SEC24B: variants seen among roughly 807,000 people sequenced by gnomAD.
The protein encoded by SEC24B is SEC24 homolog B, COPII component.
Under a neutral mutation model 142.8 loss-of-function variants are expected in SEC24B, and 45 were observed. The observed-to-expected ratio is 0.32, with a 90% confidence interval of 0.25 to 0.40. The LOEUF is 0.40. Ranked by LOEUF, SEC24B falls within the 10% of genes least tolerant of loss-of-function variation. The probability of loss-of-function intolerance (pLI) is 1.00; values close to 1 mark genes in which losing one functional copy is unlikely to be tolerated. For missense variants in SEC24B, 1,409 were observed against 1,526.8 expected, an observed-to-expected ratio of 0.92 and a Z score of 1.29; for synonymous variants, 574 against 568.2, an observed-to-expected ratio of 1.01 and a Z score of -0.15.
intron 1 of SEC24B, among the ~76,000 whole-genome samples, chr4:109,436,101 TATGGTAAAGTG>T (rs1728386371): frequency 6.6e-6 from 1 of 152,120 alleles, no homozygotes; most frequent in African/African-American, 2.4e-5. Context: ...ATTTGAAAGT[TATGGTAAAGTG>T]TAAGAACTAG....
At chr4:109,439,650 C>G (rs113604433) in intron 1 of SEC24B, among the ~76,000 whole-genome samples, 5 of 149,708 alleles carry the variant, frequency 3.3e-5, no homozygotes, top group Non-Finnish European at 5.9e-5. Flanking sequence ...TACAGGCATG[C>G]GCCACCATGC....
chr4:109,496,956 G>A (rs915499896), intron 6 of SEC24B, among the ~76,000 whole-genome samples: 3 of 152,218 alleles, frequency 2.0e-5, no homozygotes, highest in Non-Finnish European at 4.4e-5. Context: ...ATTCTTGGGA[G>A]TGTTGAGCAA....
intron 14 of SEC24B, among the ~76,000 whole-genome samples, chr4:109,523,212 A>G (rs916751972): frequency 2.0e-5 from 3 of 152,042 alleles, no homozygotes; most frequent in African/African-American, 4.8e-5. Context: ...GCTCACACCT[A>G]TAATCCCGGC....
chr4:109,490,570 A>C (rs1734923122), intron 4 of SEC24B, among the ~76,000 whole-genome samples: 1 of 152,076 alleles, frequency 6.6e-6, no homozygotes, highest in South Asian at 2.1e-4. Flanking sequence ...ACCCAGGATA[A>C]TTGTAGGTCT....
At chr4:109,515,511 A>AG (rs1219322584) in intron 10 of SEC24B, among the ~76,000 whole-genome samples, 1 of 152,098 alleles carries the variant, frequency 6.6e-6, no homozygotes, top group East Asian at 1.9e-4. Context: ...CACCCAAGCT[A>AG]GAGACAAGGT....
chr4:109,456,092 A>G (rs1021729615), intron 1 of SEC24B, among the ~76,000 whole-genome samples: 3 of 152,108 alleles, frequency 2.0e-5, no homozygotes, highest in Non-Finnish European at 2.9e-5. Context: ...GGTTCTGAAC[A>G]TATTTCATTA....
At position 109,538,349 on chromosome 4, in the gene SEC24B, A is replaced by T. The variant is rs191693902; in HGVS notation, c.3589-144A>T. On this transcript the variant is annotated intron_variant, in intron 22 of 23. Transcript: ENST00000265175. ...ATATAAACAGATTTTTCAACAGTTT[A>T]AATTTTATTTGTGTAGTTGCTGCTG... The T allele has an allele frequency of 1.5e-4, 87 of 571,496 alleles. No homozygotes were observed. The East Asian group carries it at 2.3e-3, about 15-fold the overall frequency. 35.4% of individuals were successfully genotyped at this position (571,496 alleles called of 1,614,324 possible). A position where few individuals can be genotyped will look rare whatever the true frequency, so the allele number is the denominator to read the frequency against.
At chr4:109,439,247 C>T (rs778752495) in intron 1 of SEC24B, among the ~76,000 whole-genome samples, 2 of 152,070 alleles carry the variant, frequency 1.3e-5, no homozygotes, top group African/African-American at 4.8e-5. Context: ...GCAGTACTAT[C>T]GGGTCAGTCA....
chr4:109,437,337 T>TG (rs1728498302), intron 1 of SEC24B, among the ~76,000 whole-genome samples: 2 of 152,134 alleles, frequency 1.3e-5, no homozygotes, highest in African/African-American at 2.4e-5. Context: ...CAGGCTGGAG[T>TG]CAGTGACTCC....
intron 4 of SEC24B, among the ~76,000 whole-genome samples, chr4:109,485,997 GAAA>G (rs994622264): frequency 6.7e-6 from 1 of 150,090 alleles, no homozygotes; most frequent in Non-Finnish European, 1.5e-5. Flanking sequence ...GAAAGCTGAG[GAAA>G]AAAAAACAAT....
chr4:109,521,826 G>A (rs1350396548), intron 14 of SEC24B, among the ~76,000 whole-genome samples, 200 bp downstream of exon 14: 1 of 152,048 alleles, frequency 6.6e-6, no homozygotes, highest in East Asian at 1.9e-4. Flanking sequence ...CTGCTTCCCA[G>A]GTTCAAGCGA....
Position 109,521,435 on chromosome 4 carries a change from C to T in SEC24B, c.2317C>T (p.Leu773=). 5 of 1,613,564 alleles carry T rather than the reference C, an allele frequency of 3.1e-6. No individual in the cohort carries two copies. Among genetic ancestry groups the T allele is most frequent in the Non-Finnish European group, 4.2e-6 (5 of 1,179,630 alleles). ...GTTTTCTCAGCTTATAAAAGACTTACTGAATGCATTACCAAACATGTTCAC... is the reference window on the plus strand; with the variant it reads ...GTTTTCTCAGCTTATAAAAGACTTATTGAATGCATTACCAAACATGTTCAC... ...YESKELIKDL[L]NALPNMFTNT... Residue 773 remains leucine (L), a synonymous_variant, in exon 14 of 24, where the codon CTG becomes TTG. Coordinates refer to ENST00000265175, the MANE Select transcript of SEC24B (RefSeq NM_006323.5).
At chr4:109,489,007 C>T (rs1289273969) in intron 4 of SEC24B, among the ~76,000 whole-genome samples, 1 of 151,902 alleles carries the variant, frequency 6.6e-6, no homozygotes, top group African/African-American at 2.4e-5. Context: ...ATATTAACCC[C>T]TTATCAGATA....
intron 1 of SEC24B, among the ~76,000 whole-genome samples, chr4:109,456,340 T>TTG (rs1730682010): frequency 6.7e-6 from 1 of 149,758 alleles, no homozygotes; most frequent in Admixed American, 6.6e-5. Flanking sequence ...TTTTGTTTTT[T>TTG]TTTTTTTTTT....
At chr4:109,478,382 G>A (rs988157546) in intron 3 of SEC24B, among the ~76,000 whole-genome samples, 1 of 151,976 alleles carries the variant, frequency 6.6e-6, no homozygotes, top group Non-Finnish European at 1.5e-5. Context: ...GAAAAGAACA[G>A]CTGAAAATAA....
chr4:109,488,273 T>TC (rs1734597203), intron 4 of SEC24B, among the ~76,000 whole-genome samples: 1 of 152,072 alleles, frequency 6.6e-6, no homozygotes, highest in Non-Finnish European at 1.5e-5. Context: ...CATTCTACCC[T>TC]CCCCGCACAA....
At chr4:109,435,281 T>C (rs1341298222) in intron 1 of SEC24B, among the ~76,000 whole-genome samples, 1 of 152,244 alleles carries the variant, frequency 6.6e-6, no homozygotes, top group Non-Finnish European at 1.5e-5. Context: ...CAGTAGTCAT[T>C]GTTTACTATA....
chr4:109,465,729 G>T (rs757128169), intron 2 of SEC24B, among the ~76,000 whole-genome samples: 1 of 152,128 alleles, frequency 6.6e-6, no homozygotes, highest in Non-Finnish European at 1.5e-5. Flanking sequence ...GGGGTCACTT[G>T]GCTAATGAAC....
chr4:109,513,443 C>G (rs1737594266), intron 9 of SEC24B, among the ~76,000 whole-genome samples: 1 of 151,952 alleles, frequency 6.6e-6, no homozygotes, highest in Admixed American at 6.6e-5. Flanking sequence ...ACCACTATGC[C>G]TGGCTAATTT....
Sources: allele counts gnomAD v4.1 joint callset (sites outside exome capture counted in the v4.1 genomes callset), GRCh38; gene constraint gnomAD v4.1.1; transcripts MANE v1.5; gene names NCBI Gene and HGNC (gene_info 2026-07-23, HGNC 2026-07-21).